SCML2: variants seen among roughly 807,000 people sequenced by gnomAD.
SCML2 encodes Scm polycomb group protein like 2.
Under a neutral mutation model 48.4 loss-of-function variants are expected in SCML2, and 6 were observed. That is an observed-to-expected ratio of 0.12 (90% CI 0.07 to 0.24). SCML2 has a LOEUF of 0.24. SCML2 is among the 10% of genes least tolerant of loss of function. SCML2 has a pLI of 1.00. For missense variants in SCML2, 377 were observed against 528.2 expected, an observed-to-expected ratio of 0.71 and a Z score of 2.81; for synonymous variants, 181 against 189.5, an observed-to-expected ratio of 0.95 and a Z score of 0.37.
chrX:18,316,377 A>T (rs1371122452), intron 6 of SCML2, among the ~76,000 whole-genome samples: 1 of 111,897 alleles, frequency 8.9e-6, no homozygotes, highest in East Asian at 2.8e-4. Context: ...AGACAGAGTG[A>T]GACTCTGTCT....
At chrX:18,281,775 A>C (rs920385841) in intron 7 of SCML2, among the ~76,000 whole-genome samples, 1 of 108,893 alleles carries the variant, frequency 9.2e-6, no homozygotes, top group African/African-American at 3.3e-5. Context: ...AAAAAAACCA[A>C]CCCCCAAAGC....
At chrX:18,297,562 T>C (rs760851209) in intron 7 of SCML2, among the ~76,000 whole-genome samples, 3 of 112,240 alleles carry the variant, frequency 2.7e-5, no homozygotes, top group Non-Finnish European at 3.8e-5. Context: ...CAAAAAATTC[T>C]TAGATCTAAT....
chrX:18,321,208 C>T (rs1350633127), intron 5 of SCML2, among the ~76,000 whole-genome samples: 1 of 111,669 alleles, frequency 9.0e-6, no homozygotes, highest in African/African-American at 3.3e-5. Flanking sequence ...TTAATACATA[C>T]TAAAAATGAT....
At position 18,303,149 on chromosome X, in the gene SCML2, G is replaced by C. The variant is rs146811462; in HGVS notation, c.730+1823C>G. ...AAAGCAGAAAGAAGGAAAAGGAAAGGACATGCTCATCTCTCTATAATATAC... is the reference window on the plus strand; with the variant it reads ...AAAGCAGAAAGAAGGAAAAGGAAAGCACATGCTCATCTCTCTATAATATAC... On this transcript the variant is annotated intron_variant, in intron 7 of 14. Coordinates refer to ENST00000251900, the MANE Select transcript of SCML2 (RefSeq NM_006089.3). Among the ~76,000 whole-genome samples the C allele has an allele frequency of 7.8e-4, 86 of 110,952 alleles. No individual in the cohort carries two copies. In the East Asian group the frequency reaches 0.023, roughly 30 times the overall value.
intron 1 of SCML2, among the ~76,000 whole-genome samples, chrX:18,347,673 G>A (rs777934356): frequency 3.6e-4 from 30 of 83,410 alleles, no homozygotes; most frequent in African/African-American, 1.2e-3. Flanking sequence ...GCAGTGAACC[G>A]AGATCATGCC....
chrX:18,286,930 C>T (rs982759072), intron 7 of SCML2, among the ~76,000 whole-genome samples: 7 of 110,221 alleles, frequency 6.4e-5, no homozygotes, highest in African/African-American at 2.0e-4. Context: ...ATATTTTAAC[C>T]CTTGTTGGAC....
intron 8 of SCML2, among the ~76,000 whole-genome samples, chrX:18,263,588 A>G (rs2039427534): frequency 8.9e-6 from 1 of 111,860 alleles, no homozygotes; most frequent in Admixed American, 9.6e-5. Context: ...GAAAAGAGTA[A>G]TAAGGAAAAG....
intron 7 of SCML2, among the ~76,000 whole-genome samples, chrX:18,287,238 T>C (rs1242504303): frequency 8.9e-6 from 1 of 111,964 alleles, no homozygotes; most frequent in African/African-American, 3.2e-5. Flanking sequence ...TTAGATTGCT[T>C]TGGGGGTCTG....
In SCML2 at chrX:18,246,618, C is replaced by T. The variant is rs758529340; in HGVS notation, c.1781G>A (p.Ser594Asn). 2 of 1,206,887 alleles carry T rather than the reference C, an allele frequency of 1.7e-6. No individual in the cohort carries two copies. Among genetic ancestry groups the T allele is most frequent in the Admixed American group, 2.2e-5 (1 of 45,176 alleles). The part of the protein sequence containing the change: ...PLVGDISPKS[S>N]PHEVKFQMQR... ...CATTTGGAATTTAACTTCATGGGGA[C>T]TGCTCTTGGGGGATATGTCCCCAAC... Residue 594 changes from serine (S) to asparagine (N), a missense_variant, in exon 13 of 15, where the codon AGT becomes AAT. By Grantham distance (46) the Ser-to-Asn change is conservative (BLOSUM62 1). Coordinates refer to ENST00000251900, the MANE Select transcript of SCML2 (RefSeq NM_006089.3).
At chrX:18,323,808 A>G (rs1161882517) in intron 5 of SCML2, 51 bp downstream of exon 5, 1 of 981,410 alleles carries the variant, frequency 1.0e-6, no homozygotes. Flanking sequence ...AGCCATTTCT[A>G]TTGAATATCA....
rs745398430 is a variant in SCML2 at position 18,324,949 on chromosome X, T to C, written c.120A>G (p.Lys40=). The C allele has an allele frequency of 8.3e-7, 1 of 1,203,429 alleles. No individual in the cohort carries two copies. The highest frequency in any genetic ancestry group is 1.1e-6 in the Non-Finnish European group (1 of 888,484). ...RDDFHWEEYL[K]ETGSISAPSE... ...AAGGAGCACTTATAGACCCAGTCTC[T>C]TTCAAATACTCCTCCCAGTGGAAAT... The change falls in exon 4 of 15, where the codon AAA becomes AAG. Residue 40 remains lysine, a synonymous_variant. Coordinates refer to ENST00000251900, the MANE Select transcript of SCML2 (RefSeq NM_006089.3).
At chrX:18,324,622 A>G (rs1929423095) in intron 4 of SCML2, among the ~76,000 whole-genome samples, 1 of 111,907 alleles carries the variant, frequency 8.9e-6, no homozygotes, top group Admixed American at 9.5e-5. Context: ...CATTCCAACC[A>G]TCTCAAATAG....
chrX:18,348,764 A>G (rs1930280403), intron 1 of SCML2, among the ~76,000 whole-genome samples: 1 of 111,868 alleles, frequency 8.9e-6, no homozygotes, highest in Non-Finnish European at 1.9e-5. Flanking sequence ...ATTTCCAAAG[A>G]AAAAAAAGCA....
At chrX:18,284,082 A>G (rs1927959588) in intron 7 of SCML2, among the ~76,000 whole-genome samples, 1 of 112,012 alleles carries the variant, frequency 8.9e-6, no homozygotes, top group South Asian at 3.7e-4. Flanking sequence ...GACCAATGGA[A>G]CAGAACAGAA....
intron 13 of SCML2, among the ~76,000 whole-genome samples, chrX:18,245,464 T>C (rs931043391): frequency 8.9e-6 from 1 of 112,317 alleles, no homozygotes; most frequent in Non-Finnish European, 1.9e-5. Flanking sequence ...CTGCAAGCTA[T>C]GTCACTCTAA....
intron 5 of SCML2, among the ~76,000 whole-genome samples, chrX:18,323,042 TA>T (rs1262841620): frequency 9.0e-6 from 1 of 111,701 alleles, no homozygotes; most frequent in Non-Finnish European, 1.9e-5. Context: ...AATTTTTCAC[TA>T]ATAGGAAAAC....
chrX:18,343,821 A>T (rs191520479), intron 1 of SCML2, among the ~76,000 whole-genome samples: 7 of 103,065 alleles, frequency 6.8e-5, no homozygotes, highest in Admixed American at 3.2e-4. Context: ...GATTACAATC[A>T]CACCTGTAAT....
chrX:18,305,282 T>G, intron 6 of SCML2, 67 bp from the exon 7 acceptor site: 1 of 1,055,379 alleles, frequency 9.5e-7, no homozygotes, highest in Non-Finnish European at 1.3e-6. Flanking sequence ...GTGCTCGAAG[T>G]GAAAAGTTGC....
chrX:18,248,974 T>C (rs1229091652), intron 11 of SCML2, among the ~76,000 whole-genome samples: 1 of 111,607 alleles, frequency 9.0e-6, no homozygotes, highest in Non-Finnish European at 1.9e-5. Flanking sequence ...TTGACTCGAC[T>C]TCTGCTTCTG....
Sources: allele counts gnomAD v4.1 joint callset (sites outside exome capture counted in the v4.1 genomes callset), GRCh38; gene constraint gnomAD v4.1.1; transcripts MANE v1.5; gene names NCBI Gene and HGNC (gene_info 2026-07-23, HGNC 2026-07-21).